Variants in CROCC observed in about 807,000 individuals in gnomAD.
The protein encoded by CROCC is ciliary rootlet coiled-coil, rootletin.
In CROCC, 180 loss-of-function variants were observed where a neutral mutation model predicts 245.2. That is an observed-to-expected ratio of 0.73 (90% confidence interval 0.65 to 0.83). CROCC has a LOEUF of 0.83. CROCC is among the 40% of genes least tolerant of loss of function. The probability of loss-of-function intolerance (pLI) is 0.00; values close to 1 mark genes in which losing one functional copy is unlikely to be tolerated. For synonymous variants in CROCC, 1,205 were observed against 1,241.6 expected (o/e 0.97, Z 0.62); for missense variants, 2,688 against 2,779.4 (o/e 0.97, Z 0.74).
In CROCC at chr1:16,972,492, AG is replaced by A; in HGVS notation, c.*48del. 7.6e-7 allele frequency: 1 copy of A among 1,323,772 alleles called. No individual in the cohort carries two copies. Among genetic ancestry groups the A allele is most frequent in the South Asian group, 1.3e-5 (1 of 75,976 alleles). The allele number at this position is 1,323,772 out of a possible 1,614,324, so 82.0% of individuals were successfully genotyped here. A position where few individuals can be genotyped will look rare whatever the true frequency, so the allele number is the denominator to read the frequency against. On this transcript the variant is annotated 3_prime_UTR_variant, in exon 37 of 37. Coordinates refer to ENST00000375541, the MANE Select transcript of CROCC (RefSeq NM_014675.5). ...AACACCCCTGTGCCTGGGACAGGGG[AG>A]GACCCTTCTTTTGGACAGCCCCCCC...
At chr1:16,949,498 T>C (rs1220725876) in intron 19 of CROCC, among the ~76,000 whole-genome samples, 1 of 152,216 alleles carries the variant, frequency 6.6e-6, no homozygotes. Flanking sequence ...ATGGTAGCTA[T>C]ACCATTTCCA....
chr1:16,958,168 A>G (rs2076276820), intron 25 of CROCC, among the ~76,000 whole-genome samples: 1 of 152,202 alleles, frequency 6.6e-6, no homozygotes, highest in Admixed American at 6.5e-5. Flanking sequence ...CTCATATAGC[A>G]TTGTACCAAG....
chr1:16,940,387 C>G (rs1429779204), intron 13 of CROCC, among the ~76,000 whole-genome samples: 2 of 146,438 alleles, frequency 1.4e-5, no homozygotes, highest in African/African-American at 5.1e-5. Context: ...CCATGCCGGG[C>G]TAATTTTTTT....
chr1:16,940,333 C>A (rs2075901582), intron 13 of CROCC, among the ~76,000 whole-genome samples: 1 of 152,206 alleles, frequency 6.6e-6, no homozygotes, highest in Non-Finnish European at 1.5e-5. Context: ...ACGCCATTCT[C>A]CTGCCTCAGC....
upstream of CROCC, among the ~76,000 whole-genome samples, chr1:16,919,151 C>T (rs557674147): frequency 6.6e-6 from 1 of 152,400 alleles, no homozygotes; most frequent in East Asian, 1.9e-4. Context: ...CTTAGTTGGG[C>T]GTGAGCGGTC....
chr1:16,937,489 G>A (rs2100406643), intron 9 of CROCC, 152 bp from the exon 10 acceptor site: 1 of 655,866 alleles, frequency 1.5e-6, no homozygotes, highest in East Asian at 2.8e-5. Flanking sequence ...GAGATCTGGA[G>A]AGGAGCCGGG....
chr1:16,918,802 T>C (rs1186256245), upstream of CROCC, among the ~76,000 whole-genome samples: 3 of 151,094 alleles, frequency 2.0e-5, no homozygotes, highest in African/African-American at 7.3e-5. Flanking sequence ...AGTGGTGCGA[T>C]CTCAGCTCAC....
intron 15 of CROCC, 40 bp from the exon 16 acceptor site, chr1:16,946,219 C>A (rs1323896497): frequency 2.5e-6 from 4 of 1,600,684 alleles, no homozygotes; most frequent in Non-Finnish European, 3.4e-6. Flanking sequence ...TCCTCCCGAC[C>A]TTTCTGCCTT....
At position 16,926,779 on chromosome 1, in the gene CROCC, T is replaced by A. The variant is rs144823030; in HGVS notation, c.351+2300T>A. On this transcript the variant is annotated intron_variant, in intron 3 of 36. Coordinates refer to ENST00000375541, the MANE Select transcript of CROCC (RefSeq NM_014675.5). Reference sequence around the variant, plus strand: ...GACAGACCCCCTGGGCTCCCTCGTGTCCATAGCAACCTGGAAAGAGTAAAT... The same window carrying A: ...GACAGACCCCCTGGGCTCCCTCGTGACCATAGCAACCTGGAAAGAGTAAAT... Among the ~76,000 whole-genome samples, 841 of 152,274 alleles carry A rather than the reference T, an allele frequency of 5.5e-3. 1 individual carries two copies. Among genetic ancestry groups the A allele is most frequent in the African/African-American group, 0.019 (803 of 41,478 alleles).
chr1:16,949,706 A>G (rs2076125976), intron 19 of CROCC, among the ~76,000 whole-genome samples: 1 of 152,224 alleles, frequency 6.6e-6, no homozygotes, highest in South Asian at 2.1e-4. Flanking sequence ...AAATGAGGTT[A>G]TGTCTAAAAT....
chr1:16,972,124 T>G (rs1015742903), intron 36 of CROCC, among the ~76,000 whole-genome samples: 1 of 151,992 alleles, frequency 6.6e-6, no homozygotes, highest in Non-Finnish European at 1.5e-5. Context: ...CCCACCCAAG[T>G]GATGATGGGG....
chr1:16,928,569 C>G (rs1257625904), intron 3 of CROCC, among the ~76,000 whole-genome samples: 4 of 152,058 alleles, frequency 2.6e-5, no homozygotes, highest in South Asian at 2.1e-4. Flanking sequence ...TTTGGGAGGC[C>G]GAGGCGGGTG....
chr1:16,953,708 C>T (rs1398632822), intron 21 of CROCC: 8 of 515,938 alleles, frequency 1.6e-5, no homozygotes, highest in South Asian at 7.6e-5. Flanking sequence ...CAGTGACAGT[C>T]GTGACACCAG....
intron 8 of CROCC, among the ~76,000 whole-genome samples, chr1:16,932,759 T>C (rs1261973303): frequency 6.6e-6 from 1 of 152,250 alleles, no homozygotes; most frequent in Non-Finnish European, 1.5e-5. Flanking sequence ...GCCTGATCCG[T>C]GTGAGCAGTC....
At chr1:16,934,892 C>CTTTTTTT (rs556637657) in intron 8 of CROCC, among the ~76,000 whole-genome samples, 49 of 128,478 alleles carry the variant, frequency 3.8e-4, no homozygotes, top group Middle Eastern at 4.2e-3. Context: ...TCAGCAGTTT[C>CTTTTTTT]TTTTTTTTTT....
chr1:16,967,716 G>A (rs2076442039), intron 30 of CROCC, among the ~76,000 whole-genome samples: 1 of 152,096 alleles, frequency 6.6e-6, no homozygotes, highest in South Asian at 2.1e-4. Flanking sequence ...TTTTTCACTG[G>A]CTGACCCTGG....
At chr1:16,962,179 C>T (rs1288755774) in intron 27 of CROCC, among the ~76,000 whole-genome samples, 2 of 151,836 alleles carry the variant, frequency 1.3e-5, no homozygotes, top group Non-Finnish European at 2.9e-5. Flanking sequence ...TCTCCTGCCT[C>T]AGCCCCCTGA....
chr1:16,934,642 TA>T (rs2075748706), intron 8 of CROCC, among the ~76,000 whole-genome samples: 1 of 152,266 alleles, frequency 6.6e-6, no homozygotes, highest in African/African-American at 2.4e-5. Context: ...AAGTAGCCTT[TA>T]AAATTTTTAT....
chr1:16,936,942 A>G (rs1570623373), intron 9 of CROCC, 69 bp downstream of exon 9: 2 of 1,470,546 alleles, frequency 1.4e-6, no homozygotes, highest in Non-Finnish European at 1.9e-6. Flanking sequence ...AGTTGGGGAG[A>G]AGGGAGCATC....
Sources: gnomAD v4.1 joint callset for allele counts (sites outside exome capture counted in the v4.1 genomes callset) on GRCh38, gnomAD v4.1.1 for gene constraint, MANE v1.5 for transcripts, NCBI Gene and HGNC (gene_info 2026-07-23, HGNC 2026-07-21) for gene names.